Variants in COL5A3 observed in about 807,000 individuals in gnomAD.
COL5A3 encodes the protein collagen type V alpha 3 chain, also known as collagen alpha-3(V) chain.
Under a neutral mutation model 250.0 loss-of-function variants are expected in COL5A3, and 172 were observed. That is an observed-to-expected ratio of 0.69 (90% CI 0.61 to 0.78). The LOEUF (loss-of-function observed/expected upper bound fraction) is 0.78. Ranked by LOEUF, COL5A3 falls within the 30% of genes least tolerant of loss-of-function variation. The probability of loss-of-function intolerance (pLI) is 0.00; values close to 1 mark genes in which losing one functional copy is unlikely to be tolerated. For missense variants in COL5A3, 2,340 were observed against 2,334.4 expected (o/e 1.00, Z -0.05); for synonymous variants, 937 against 900.4 (o/e 1.04, Z -0.73).
intron 54 of COL5A3, among the ~76,000 whole-genome samples, chr19:9,970,379 G>A (rs558429966): frequency 5.5e-5 from 6 of 109,248 alleles, no homozygotes; most frequent in Admixed American, 9.1e-5. Context: ...TGGGGTAAGC[G>A]GGGGCTGTGG....
At chr19:9,989,054 T>A (rs1046899238) in intron 27 of COL5A3, 70 bp downstream of exon 27, 50 of 1,510,208 alleles carry the variant, frequency 3.3e-5, no homozygotes, top group Non-Finnish European at 4.2e-5. Flanking sequence ...CAGAAGTTTC[T>A]GATGGAGCTG....
chr19:9,972,262 A>C (rs2086859218), intron 51 of COL5A3, among the ~76,000 whole-genome samples: 1 of 152,038 alleles, frequency 6.6e-6, no homozygotes, highest in Non-Finnish European at 1.5e-5. Flanking sequence ...TTTTTCCATT[A>C]ATTCACTCAT....
At position 9,992,874 on chromosome 19, in the gene COL5A3, G is replaced by A; in HGVS notation, c.1801C>T (p.Arg601Ter). The A allele has an allele frequency of 6.2e-6, 10 of 1,614,048 alleles. No homozygotes were observed. Among genetic ancestry groups the A allele is most frequent in the East Asian group, 2.2e-5 (1 of 44,874 alleles). ...PTGQAGEPGP[R>*]GLLGPRGSPG... ...GAGCCTCTGGGGCCAAGCAGTCCTC[G>A]TGGACCCTGCAAGGGAGCAGGCGAA... The change falls in exon 21 of 67, where the codon CGA becomes TGA. Residue 601 changes from arginine to a stop codon, truncating the protein, a stop_gained. Coordinates refer to ENST00000264828, the MANE Select transcript of COL5A3 (RefSeq NM_015719.4). LOFTEE classifies it high-confidence loss of function.
At chr19:9,983,631 A>AG (rs1491274889) in intron 31 of COL5A3, among the ~76,000 whole-genome samples, 1 of 127,370 alleles carries the variant, frequency 7.9e-6, no homozygotes, top group Non-Finnish European at 1.7e-5. Context: ...AGAAAGAAAG[A>AG]AGAGAGAGAG....
Position 9,979,976 on chromosome 19 carries a change from G to C in COL5A3, c.2658+18C>G. On this transcript the variant is annotated intron_variant, in intron 36 of 66. Coordinates refer to ENST00000264828, the MANE Select transcript of COL5A3 (RefSeq NM_015719.4). ...ATCCTCCACCCACCCAACCCCCAAT[G>C]AGGGTGACCTCACTCACAGGGGGGC... 1.3e-6 allele frequency: 2 copies of C among 1,579,576 alleles called. No homozygotes were observed. The highest frequency in any genetic ancestry group is 4.6e-5 in the East Asian group (2 of 43,750).
Position 9,962,866 on chromosome 19 carries a change from T to C in COL5A3, c.4804A>G (p.Lys1602Glu), listed in dbSNP as rs1216083424. The stretch of plus-strand genomic sequence containing the variant: ...CTATACCAGCCTCCAGGCTTTTCCT[T>C]GGACCAGGAGGCCAATTTCACCTGG... ...FEIVKLASWSKEKPGGWYSTF... is the reference protein window; with the variant it reads ...FEIVKLASWSEEKPGGWYSTF... The change falls in exon 65 of 67, where the codon AAG (lysine) becomes GAG (glutamate). Residue 1602 changes from lysine (K) to glutamate (E), a missense_variant. Coordinates refer to ENST00000264828, the MANE Select transcript of COL5A3 (RefSeq NM_015719.4). The C allele has an allele frequency of 1.2e-6, 2 of 1,611,262 alleles. No individual in the cohort carries two copies. The highest frequency in any genetic ancestry group is 1.7e-5 in the Admixed American group (1 of 59,682).
At position 9,995,627 on chromosome 19, in the gene COL5A3, A is replaced by G; in HGVS notation, c.1534-10T>C. 1.9e-6 allele frequency: 3 copies of G among 1,569,662 alleles called. No homozygotes were observed. The highest frequency in any genetic ancestry group is 1.7e-6 in the Non-Finnish European group (2 of 1,158,100). ...GCAGGCCTCGGGGACCCTAGAAGAAAGCAAAAAGGAGGAAGGAAAGGAAAA... is the reference window on the plus strand; with the variant it reads ...GCAGGCCTCGGGGACCCTAGAAGAAGGCAAAAAGGAGGAAGGAAAGGAAAA... On this transcript the variant is annotated splice_polypyrimidine_tract_variant and intron_variant, in intron 15 of 66. Transcript: ENST00000264828.
rs2086941408 is a variant in COL5A3, at chr19:9,977,598, G to C, written c.3122C>G (p.Ser1041Cys). The C allele has an allele frequency of 6.3e-7, 1 of 1,586,176 alleles. No individual in the cohort carries two copies. Among genetic ancestry groups the C allele is most frequent in the Non-Finnish European group, 8.6e-7 (1 of 1,166,306 alleles). Residue 1041 changes from serine (S) to cysteine (C), a missense_variant, in exon 42 of 67, where the codon TCC becomes TGC. By Grantham distance (112) the Ser-to-Cys change is moderately radical (BLOSUM62 -1). Transcript: ENST00000264828. The part of the protein sequence containing the change: ...GPVGPAGKKG[S>C]RGERGPPGPT... Reference sequence around the variant, plus strand: ...TGGGATGGGCAAGTCACTTACCCGGGACCCCTTCTTGCCTGCAGGGCCAAC... The same window carrying C: ...TGGGATGGGCAAGTCACTTACCCGGCACCCCTTCTTGCCTGCAGGGCCAAC...
intron 6 of COL5A3, among the ~76,000 whole-genome samples, chr19:10,003,268 T>A (rs571953556): frequency 2.0e-5 from 3 of 152,266 alleles, no homozygotes; most frequent in African/African-American, 7.2e-5. Context: ...CAGGAACTTA[T>A]CTGGGTCTGT....
chr19:9,996,508 A>C lies in COL5A3; in HGVS notation c.1347T>G (p.Phe449Leu), dbSNP rs762903752. The C allele has an allele frequency of 1.2e-6, 2 of 1,614,104 alleles. No individual in the cohort carries two copies. Among genetic ancestry groups the C allele is most frequent in the African/African-American group, 1.3e-5 (1 of 75,032 alleles). Reference sequence around the variant, plus strand: ...GGGGGCCTTTAAAGGAGCCGCCTGCAAACTGGAACTGGGAGGAATTTAGTG... The same window carrying C: ...GGGGGCCTTTAAAGGAGCCGCCTGCCAACTGGAACTGGGAGGAATTTAGTG... ...PGTVIMMPFQ[F>L]AGGSFKGPPV... The change falls in exon 13 of 67, where the codon TTT (phenylalanine) becomes TTG (leucine). Residue 449 changes from phenylalanine to leucine, a missense_variant. Physicochemically the swap from Phe to Leu is conservative, Grantham distance 22. This residue lies in a region of COL5A3 where 1,152 missense variants were observed against 1,146.3 expected (regional missense o/e 1.00). Coordinates refer to ENST00000264828, the MANE Select transcript of COL5A3 (RefSeq NM_015719.4).
At chr19:9,985,551 C>T (rs968417754) in intron 31 of COL5A3, among the ~76,000 whole-genome samples, 20 of 152,034 alleles carry the variant, frequency 1.3e-4, no homozygotes, top group African/African-American at 4.6e-4. Flanking sequence ...TGAGCCACTG[C>T]GCCCAGCCAC....
rs756850049 is a variant in COL5A3 at position 9,977,219 on chromosome 19, C to T, written c.3288+10G>A. ...CACCCCACCCTGCCCCACTGGGGAC[C>T]TTCACTCACCGCGTCTCCTTTATCG... On this transcript the variant is annotated intron_variant, in intron 44 of 66. Transcript: ENST00000264828. 2.5e-6 allele frequency: 4 copies of T among 1,613,924 alleles called. No individual in the cohort carries two copies. The highest frequency in any genetic ancestry group is 2.5e-6 in the Non-Finnish European group (3 of 1,179,832).
intron 8 of COL5A3, among the ~76,000 whole-genome samples, chr19:9,998,381 C>A (rs1271298442): frequency 6.6e-6 from 1 of 152,174 alleles, no homozygotes; most frequent in Non-Finnish European, 1.5e-5. Flanking sequence ...CCAGAGACTG[C>A]TGCCCAATAC....
chr19:10,005,285 G>T (rs145923098), intron 4 of COL5A3, among the ~76,000 whole-genome samples: 173 of 151,888 alleles, frequency 1.1e-3, no homozygotes, highest in African/African-American at 4.1e-3. Flanking sequence ...ATGAGGTGGA[G>T]GTTGCAGTGA....
At position 9,993,168 on chromosome 19, in the gene COL5A3, C is replaced by T. The variant is rs1013439398; in HGVS notation, c.1750-101G>A. 1.5e-5 allele frequency: 20 copies of T among 1,322,424 alleles called. No individual in the cohort carries two copies. In the African/African-American group the frequency reaches 2.3e-4, roughly 15 times the overall value. 81.9% of individuals were successfully genotyped at this position (1,322,424 alleles called of 1,614,324 possible). On this transcript the variant is annotated intron_variant, in intron 19 of 66. Transcript: ENST00000264828. ...CCTTCCAGGGGGTCTCGGAATTAGA[C>T]CAGGATCCCTGGGAACCTGCAGACT...
chr19:9,960,884 A>T lies in COL5A3; in HGVS notation c.4858T>A (p.Tyr1620Asn). 1 of 1,604,544 alleles carries T rather than the reference A, an allele frequency of 6.2e-7. No homozygotes were observed. The highest frequency in any genetic ancestry group is 1.1e-5 in the South Asian group (1 of 91,068). The change falls in exon 66 of 67, where the codon TAC becomes AAC. Residue 1620 changes from tyrosine (Y) to asparagine (N), a missense_variant. Tyr to Asn is a moderately radical substitution (Grantham distance 143). Coordinates refer to ENST00000264828, the MANE Select transcript of COL5A3 (RefSeq NM_015719.4). The part of the protein sequence containing the change: ...STFRRGKKFS[Y>N]VDADGSPVNV... Reference sequence around the variant, plus strand: ...ACTGGGGACCCGTCGGCGTCCACGTAGGAGAACTGGTGAGAGGAGGGCAAG... The same window carrying T: ...ACTGGGGACCCGTCGGCGTCCACGTTGGAGAACTGGTGAGAGGAGGGCAAG...
intron 49 of COL5A3, 21 bp downstream of exon 49, chr19:9,973,735 C>A: frequency 6.2e-7 from 1 of 1,613,794 alleles, no homozygotes; most frequent in East Asian, 2.2e-5. Context: ...CCCCGTGCAG[C>A]CCCTGCCTTC....
At chr19:10,002,697 C>T (rs1406874697) in intron 6 of COL5A3, among the ~76,000 whole-genome samples, 1 of 152,094 alleles carries the variant, frequency 6.6e-6, no homozygotes, top group Non-Finnish European at 1.5e-5. Context: ...ATCAATTATT[C>T]CTCTAACCAG....
In COL5A3 at chr19:9,972,482, C is replaced by T. The variant is rs547611962; in HGVS notation, c.3774+437G>A. Among the ~76,000 whole-genome samples the T allele has an allele frequency of 2.6e-5, 4 of 152,250 alleles. No individual in the cohort carries two copies. The East Asian group carries it at 5.8e-4, about 22-fold the overall frequency. ...CCATCCACCCATTCATTCATTCATCCGTGTTCTGGGGGTTACTCATGAGAT... is the reference window on the plus strand; with the variant it reads ...CCATCCACCCATTCATTCATTCATCTGTGTTCTGGGGGTTACTCATGAGAT... On this transcript the variant is annotated intron_variant, in intron 51 of 66. Coordinates refer to ENST00000264828, the MANE Select transcript of COL5A3 (RefSeq NM_015719.4).
Sources: allele counts gnomAD v4.1 joint callset (sites outside exome capture counted in the v4.1 genomes callset), GRCh38; gene constraint gnomAD v4.1.1; regional missense constraint gnomAD v4.1.1; transcripts MANE v1.5; gene names NCBI Gene and HGNC (gene_info 2026-07-23, HGNC 2026-07-21).